COL6A2: variants seen among roughly 807,000 people sequenced by gnomAD.
The protein encoded by COL6A2 is collagen type VI alpha 2 chain.
Under a neutral mutation model 124.9 loss-of-function variants are expected in COL6A2, and 90 were observed. The ratio of observed to expected loss-of-function variants is 0.72; its 90% CI spans 0.61 to 0.86. COL6A2 has a LOEUF of 0.86. Ranked by LOEUF, COL6A2 falls within the 40% of genes least tolerant of loss-of-function variation. The pLI, the probability that COL6A2 is intolerant of heterozygous loss-of-function variation, is 0.00. For synonymous variants in COL6A2, 793 were observed against 618.2 expected (o/e 1.28, Z -4.19); for missense variants, 1,607 against 1,502.5 (o/e 1.07, Z -1.15).
Position 46,125,897 on chromosome 21 carries a change from C to T in COL6A2, c.2082C>T (p.Leu694=), listed in dbSNP as rs763384399. The change falls in exon 26 of 28, where the codon CTC becomes CTT. Residue 694 remains leucine, a synonymous_variant. Coordinates refer to ENST00000300527, the MANE Select transcript of COL6A2 (RefSeq NM_001849.4). Reference sequence around the variant, plus strand: ...GCTTCAAGGAGGCTGTCAAGAACCTCGAGTGGATTGCGGGCGGCACCTGGA... The same window carrying T: ...GCTTCAAGGAGGCTGTCAAGAACCTTGAGTGGATTGCGGGCGGCACCTGGA... ...LSSFKEAVKN[L]EWIAGGTWTP... 1.2e-5 allele frequency: 20 copies of T among 1,613,062 alleles called. No homozygotes were observed. In the Middle Eastern group the frequency reaches 4.9e-4, roughly 40 times the overall value.
rs1232881793 is a variant in COL6A2 at position 46,123,869 on chromosome 21, AGATGGATGGATGGGTGAGTCAGTG to A, written c.1672-778_1672-755del. ...TGGATGAATGAGTTAGTGGGTTGGC[AGATGGATGGATGGGTGAGTCAGTG>A]GATAGATGGATGGGTGGGTGGATAG... is the stretch of plus-strand genomic sequence containing the variant. On this transcript the variant is annotated intron_variant, in intron 21 of 27. Coordinates refer to ENST00000300527, the MANE Select transcript of COL6A2 (RefSeq NM_001849.4). Among the ~76,000 whole-genome samples, 5 of 50,640 alleles carry A rather than the reference AGATGGATGGATGGGTGAGTCAGTG, an allele frequency of 9.9e-5. 1 individual carries two copies. The highest frequency in any genetic ancestry group is 9.8e-4 in the South Asian group (2 of 2,034). 33.2% of individuals were successfully genotyped at this position (50,640 alleles called of 152,430 possible).
intron 27 of COL6A2, chr21:46,129,306 A>G: frequency 6.2e-7 from 1 of 1,612,828 alleles, no homozygotes; most frequent in South Asian, 1.1e-5. Flanking sequence ...GCTAAACGCC[A>G]CGGAGCTCAC....
chr21:46,129,064 G>A (rs1342731440), intron 27 of COL6A2: 2 of 1,599,534 alleles, frequency 1.3e-6, no homozygotes, highest in Admixed American at 1.7e-5. Flanking sequence ...CGCTCCACCT[G>A]CATTTCCTCT....
In COL6A2 at chr21:46,125,682, T is replaced by G. The variant is rs180784633; in HGVS notation, c.1969+65T>G. 3.8e-5 allele frequency: 60 copies of G among 1,591,714 alleles called. No individual in the cohort carries two copies. In the Admixed American group the frequency reaches 8.9e-4, roughly 24 times the overall value. ...GGGCGGGGCGTGGGAGGCGATGAGATGGGAGAAGTCCAGACGCGTCCCTCC... is the reference window on the plus strand; with the variant it reads ...GGGCGGGGCGTGGGAGGCGATGAGAGGGGAGAAGTCCAGACGCGTCCCTCC... On this transcript the variant is annotated intron_variant, in intron 25 of 27. Coordinates refer to ENST00000300527, the MANE Select transcript of COL6A2 (RefSeq NM_001849.4).
chr21:46,113,969 C>A (rs747910554), intron 4 of COL6A2, 39 bp from the exon 5 acceptor site: 5 of 1,571,264 alleles, frequency 3.2e-6, no homozygotes, highest in Non-Finnish European at 3.5e-6. Context: ...GAGGAATGTC[C>A]CACCCATGCA....
intron 4 of COL6A2, 124 bp downstream of exon 4, chr21:46,112,948 C>A: frequency 7.9e-7 from 1 of 1,264,536 alleles, no homozygotes; most frequent in Non-Finnish European, 1.1e-6. Context: ...GAGTCACCTG[C>A]TCCATGTTGG....
At chr21:46,126,476 T>C (rs200215200) in intron 26 of COL6A2, 27 bp from the exon 27 acceptor site, 164 of 1,611,520 alleles carry the variant, frequency 1.0e-4, no homozygotes, top group African/African-American at 5.2e-4. Flanking sequence ...GACCCTGGCC[T>C]GGCCCGGCCT....
rs372206114 is a variant in COL6A2, at chr21:46,132,240, C to T, written c.2748C>T (p.His916=). The T allele has an allele frequency of 5.2e-5, 83 of 1,602,532 alleles. No individual in the cohort carries two copies. The highest frequency in any genetic ancestry group is 3.3e-4 in the Middle Eastern group (2 of 6,050). The change falls in exon 28 of 28, where the codon CAC becomes CAT. Residue 916 remains histidine, a synonymous_variant. Transcript: ENST00000300527. ...ETTQYLNSFS[H]VGAGVVHAIN... ...CACAATACCTGAACTCCTTCTCGCACGTGGGCGCAGGCGTGGTGCACGCCA... is the reference window on the plus strand; with the variant it reads ...CACAATACCTGAACTCCTTCTCGCATGTGGGCGCAGGCGTGGTGCACGCCA...
Position 46,125,907 on chromosome 21 carries a change from G to A in COL6A2, c.2092G>A (p.Ala698Thr). Reference sequence around the variant, plus strand: ...GGCTGTCAAGAACCTCGAGTGGATTGCGGGCGGCACCTGGACACCCTCAGC... The same window carrying A: ...GGCTGTCAAGAACCTCGAGTGGATTACGGGCGGCACCTGGACACCCTCAGC... The part of the protein sequence containing the change: ...KEAVKNLEWI[A>T]GGTWTPSALK... The change falls in exon 26 of 28, where the codon GCG becomes ACG. Residue 698 changes from alanine (A) to threonine (T), a missense_variant. Around this residue, in one of 3 missense-constraint regions of COL6A2, gnomAD observed 1,223 missense variants for 1,052.2 expected, o/e 1.16. Coordinates refer to ENST00000300527, the MANE Select transcript of COL6A2 (RefSeq NM_001849.4). 6.2e-7 allele frequency: 1 copy of A among 1,613,160 alleles called. No individual in the cohort carries two copies. Among genetic ancestry groups the A allele is most frequent in the Non-Finnish European group, 8.5e-7 (1 of 1,179,916 alleles).
chr21:46,125,421 T>C (rs755165911), intron 24 of COL6A2, 44 bp from the exon 25 acceptor site: 1 of 1,611,116 alleles, frequency 6.2e-7, no homozygotes, highest in Non-Finnish European at 8.5e-7. Context: ...CCCTAGGGTC[T>C]GAGGTCTCCC....
Position 46,116,727 on chromosome 21 carries a change from A to G in COL6A2, c.955-43A>G. On this transcript the variant is annotated intron_variant, in intron 9 of 27. Coordinates refer to ENST00000300527, the MANE Select transcript of COL6A2 (RefSeq NM_001849.4). This position sits in a 1 kb window ranked among gnomAD's most constrained non-coding sequence, Gnocchi z 4.6. The stretch of plus-strand genomic sequence containing the variant: ...CCCTCCTTCCTGCTGCTCAGGGCAG[A>G]AGGACCGGGGCTAATGGAGTTCCCT... 1 of 1,613,000 alleles carries G rather than the reference A, an allele frequency of 6.2e-7. No homozygotes were observed. The highest frequency in any genetic ancestry group is 1.7e-5 in the Admixed American group (1 of 60,018).
At position 46,116,194 on chromosome 21, in the gene COL6A2, T is replaced by A. The variant is rs2078467695; in HGVS notation, c.900+141T>A. 2 of 1,154,432 alleles carry A rather than the reference T, an allele frequency of 1.7e-6. No individual in the cohort carries two copies. The highest frequency in any genetic ancestry group is 2.0e-5 in the Admixed American group (1 of 50,378). The allele number at this position is 1,154,432 out of a possible 1,614,324, so 71.5% of individuals were successfully genotyped here. Reference sequence around the variant, plus strand: ...GAACAGAAGCACCTCGATAACTTGATGGCCGTCCCAAAACCCAGCCTCCAG... The same window carrying A: ...GAACAGAAGCACCTCGATAACTTGAAGGCCGTCCCAAAACCCAGCCTCCAG... On this transcript the variant is annotated intron_variant, in intron 7 of 27. Transcript: ENST00000300527. The surrounding 1 kb of genome is among the most constrained non-coding windows in gnomAD (Gnocchi z 4.6).
At chr21:46,130,395 G>A (rs570479470) in intron 27 of COL6A2, among the ~76,000 whole-genome samples, 9 of 152,074 alleles carry the variant, frequency 5.9e-5, no homozygotes, top group South Asian at 2.1e-4. Flanking sequence ...AGCTGACCCC[G>A]ACGTTCTGAC....
intron 4 of COL6A2, 130 bp downstream of exon 4, chr21:46,112,954 G>C: frequency 8.3e-7 from 1 of 1,210,666 alleles, no homozygotes; most frequent in East Asian, 2.5e-5. Flanking sequence ...CCTGCTCCAT[G>C]TTGGACCTGA....
rs779754401 is a variant in COL6A2 at position 46,116,839 on chromosome 21, C to A, written c.999+25C>A. On this transcript the variant is annotated intron_variant, in intron 10 of 27. Coordinates refer to ENST00000300527, the MANE Select transcript of COL6A2 (RefSeq NM_001849.4). The surrounding 1 kb of genome is among the most constrained non-coding windows in gnomAD (Gnocchi z 4.6). Reference sequence around the variant, plus strand: ...GGTAGAGGGAGCCTCGGGCTCACAGCTGGACTGGTCTCACAGAGGCATCCC... The same window carrying A: ...GGTAGAGGGAGCCTCGGGCTCACAGATGGACTGGTCTCACAGAGGCATCCC... The A allele has an allele frequency of 3.1e-6, 5 of 1,612,260 alleles. No individual in the cohort carries two copies. The highest frequency in any genetic ancestry group is 1.3e-5 in the African/African-American group (1 of 74,876).
intron 1 of COL6A2, among the ~76,000 whole-genome samples, chr21:46,100,015 G>T (rs1370683657): frequency 3.3e-5 from 5 of 149,700 alleles, no homozygotes; most frequent in Non-Finnish European, 7.4e-5. Flanking sequence ...ATCACTGACC[G>T]TGTGTAGTGA....
chr21:46,115,868 T>A lies in COL6A2; in HGVS notation c.802-4T>A, dbSNP rs1416811707. 1 of 1,612,816 alleles carries A rather than the reference T, an allele frequency of 6.2e-7. No homozygotes were observed. Among genetic ancestry groups the A allele is most frequent in the South Asian group, 1.1e-5 (1 of 91,076 alleles). Reference sequence around the variant, plus strand: ...CCTCGATGTACTCTTTTCTCTGCTTTTAGGGTGCCAAGGGCAACATGGGTG... The same window carrying A: ...CCTCGATGTACTCTTTTCTCTGCTTATAGGGTGCCAAGGGCAACATGGGTG... On this transcript the variant is annotated splice_region_variant and splice_polypyrimidine_tract_variant and intron_variant, in intron 5 of 27. Transcript: ENST00000300527.
chr21:46,122,470 C>G, intron 19 of COL6A2, 26 bp from the exon 20 acceptor site: 2 of 1,612,858 alleles, frequency 1.2e-6, no homozygotes, highest in Non-Finnish European at 1.7e-6. Context: ...GAGGCTGAGT[C>G]ACCCTGGCTT....
chr21:46,122,004 T>C, intron 18 of COL6A2, 104 bp from the exon 19 acceptor site: 3 of 1,242,314 alleles, frequency 2.4e-6, no homozygotes, highest in Non-Finnish European at 3.5e-6. Context: ...ACGGCACCCC[T>C]AGCCCACTTC....
Sources: gnomAD v4.1 joint callset for allele counts (sites outside exome capture counted in the v4.1 genomes callset) on GRCh38, gnomAD v4.1.1 for gene constraint, gnomAD v4.1.1 regional missense constraint, Gnocchi (gnomAD v3.1) non-coding constraint, MANE v1.5 for transcripts, NCBI Gene and HGNC (gene_info 2026-07-23, HGNC 2026-07-21) for gene names.